Variants in MTMR7 observed in about 807,000 individuals in gnomAD.
MTMR7 encodes the protein myotubularin related protein 7, also known as phosphatidylinositol-3-phosphate phosphatase MTMR7.
MTMR7 carries 76 observed loss-of-function variants against 81.2 expected under a neutral mutation model. That is an observed-to-expected ratio of 0.94 (90% CI 0.78 to 1.13). The LOEUF (loss-of-function observed/expected upper bound fraction) is 1.13. MTMR7 is among the 50% of genes most tolerant of loss of function. MTMR7 has a pLI of 0.00. For missense variants in MTMR7, 1,044 were observed against 820.0 expected (o/e 1.27, Z -3.34); for synonymous variants, 372 against 289.8 (o/e 1.28, Z -2.88).
intron 7 of MTMR7, among the ~76,000 whole-genome samples, chr8:17,314,321 T>C (rs1046610764): frequency 1.5e-4 from 23 of 152,166 alleles, no homozygotes; most frequent in Admixed American, 1.5e-3. Flanking sequence ...TAAACACACA[T>C]AGGGAAAAGG....
At chr8:17,357,217 T>C (rs562387868) in intron 4 of MTMR7, among the ~76,000 whole-genome samples, 1 of 152,336 alleles carries the variant, frequency 6.6e-6, no homozygotes, top group South Asian at 2.1e-4. Context: ...AATTACTTAA[T>C]CTCTCTGTCA....
At chr8:17,362,471 C>T (rs1001515262) in intron 3 of MTMR7, among the ~76,000 whole-genome samples, 4 of 152,180 alleles carry the variant, frequency 2.6e-5, no homozygotes. Context: ...AGTTAGTAGG[C>T]AACATTGATG....
At chr8:17,322,019 GAA>G (rs5889707) in intron 7 of MTMR7, among the ~76,000 whole-genome samples, 1 of 151,908 alleles carries the variant, frequency 6.6e-6, no homozygotes, top group Non-Finnish European at 1.5e-5. Context: ...TGAGGGTGCA[GAA>G]AAAGTCTCCA....
At chr8:17,313,810 A>G (rs1817917772) in intron 7 of MTMR7, among the ~76,000 whole-genome samples, 1 of 152,222 alleles carries the variant, frequency 6.6e-6, no homozygotes, top group Non-Finnish European at 1.5e-5. Context: ...CTACCCACTT[A>G]GAAGTTTCTG....
At chr8:17,368,709 T>C in intron 3 of MTMR7, among the ~76,000 whole-genome samples, 1 of 152,202 alleles carries the variant, frequency 6.6e-6, no homozygotes, top group East Asian at 1.9e-4. Flanking sequence ...GAACTGCTTG[T>C]GATCTGTTTC....
intron 1 of MTMR7, among the ~76,000 whole-genome samples, chr8:17,385,283 G>C (rs958883044): frequency 6.6e-6 from 1 of 151,816 alleles, no homozygotes; most frequent in African/African-American, 2.4e-5. Flanking sequence ...ATCCCTCTTG[G>C]TACTTGATAT....
chr8:17,337,365 A>ACC (rs1410430940), intron 6 of MTMR7, among the ~76,000 whole-genome samples: 1,645 of 123,586 alleles, frequency 0.013, 35 homozygotes, highest in East Asian at 0.076. Flanking sequence ...TCCGTCCCAA[A>ACC]AAAAAAAAAA....
chr8:17,406,828 C>T (rs1585128596), intron 1 of MTMR7, among the ~76,000 whole-genome samples: 1 of 151,976 alleles, frequency 6.6e-6, no homozygotes, highest in Admixed American at 6.6e-5. Context: ...CTTAGACAAA[C>T]CTTAAAAACA....
At chr8:17,362,631 C>T (rs76821247) in intron 3 of MTMR7, among the ~76,000 whole-genome samples, 5,490 of 152,254 alleles carry the variant, frequency 0.036, 511 homozygotes, top group East Asian at 0.31. Context: ...CCTCCCCAAA[C>T]GCAGATCCTT....
chr8:17,383,997 G>C (rs939256079), intron 1 of MTMR7, among the ~76,000 whole-genome samples: 5 of 152,100 alleles, frequency 3.3e-5, no homozygotes, highest in African/African-American at 1.2e-4. Flanking sequence ...CTGTATAATG[G>C]TTGCTAAAAA....
At chr8:17,407,635 T>C (rs1248717845) in intron 1 of MTMR7, among the ~76,000 whole-genome samples, 1 of 151,748 alleles carries the variant, frequency 6.6e-6, no homozygotes. Flanking sequence ...TAAAAGTATG[T>C]TTTGAACACT....
chr8:17,301,373 TTGGACATTC>T (rs1231997811), intron 13 of MTMR7, among the ~76,000 whole-genome samples: 5 of 152,168 alleles, frequency 3.3e-5, no homozygotes, highest in African/African-American at 1.2e-4. Flanking sequence ...AGATTTAAAC[TTGGACATTC>T]TGGTGATAGC....
At chr8:17,378,041 A>T (rs1407328252) in intron 1 of MTMR7, among the ~76,000 whole-genome samples, 1 of 152,188 alleles carries the variant, frequency 6.6e-6, no homozygotes, top group Non-Finnish European at 1.5e-5. Flanking sequence ...TTATTTTTAG[A>T]AAAGCTCAGT....
At chr8:17,361,388 C>T in intron 3 of MTMR7, 114 bp from the exon 4 acceptor site, 4 of 1,087,182 alleles carry the variant, frequency 3.7e-6, no homozygotes, top group South Asian at 1.4e-5. Context: ...CCAACCCCCA[C>T]CCCCAGCACA....
chr8:17,300,598 CT>C (rs1817048144), intron 13 of MTMR7, among the ~76,000 whole-genome samples: 1 of 152,176 alleles, frequency 6.6e-6, no homozygotes, highest in Non-Finnish European at 1.5e-5. Context: ...TATCATCTAA[CT>C]TTTATACTGA....
At chr8:17,306,559 T>C (rs1817467426) in intron 10 of MTMR7, among the ~76,000 whole-genome samples, 1 of 152,226 alleles carries the variant, frequency 6.6e-6, no homozygotes. Flanking sequence ...CTTCCTCAAA[T>C]TTGTATTGAT....
chr8:17,341,354 G>T lies in MTMR7; in HGVS notation c.732+9C>A. Reference sequence around the variant, plus strand: ...GTGCAAAGACATGCATCGCAACGGTGACACTTACTTTAGGCCGGGTGTCAA... The same window carrying T: ...GTGCAAAGACATGCATCGCAACGGTTACACTTACTTTAGGCCGGGTGTCAA... On this transcript the variant is annotated intron_variant, in intron 6 of 13. Coordinates refer to ENST00000180173, the MANE Select transcript of MTMR7 (RefSeq NM_004686.5). 2 of 1,613,898 alleles carry T rather than the reference G, an allele frequency of 1.2e-6. No homozygotes were observed. Among genetic ancestry groups the T allele is most frequent in the South Asian group, 2.2e-5 (2 of 91,036 alleles).
intron 7 of MTMR7, among the ~76,000 whole-genome samples, chr8:17,325,986 G>C (rs1458705857): frequency 1.3e-5 from 2 of 152,188 alleles, no homozygotes; most frequent in African/African-American, 2.4e-5. Flanking sequence ...TAGTTTGCAA[G>C]AAATCCTTTT....
intron 1 of MTMR7, among the ~76,000 whole-genome samples, chr8:17,376,774 G>A (rs981391905): frequency 3.9e-5 from 6 of 152,040 alleles, no homozygotes; most frequent in African/African-American, 9.7e-5. Context: ...TTATCGCATC[G>A]TGAAAGTGAC....
Sources: gnomAD v4.1 joint callset for allele counts (sites outside exome capture counted in the v4.1 genomes callset) on GRCh38, gnomAD v4.1.1 for gene constraint, MANE v1.5 for transcripts, NCBI Gene and HGNC (gene_info 2026-07-23, HGNC 2026-07-21) for gene names.